The following CNIH3 variants were observed in gnomAD, a reference collection of about 807,000 sequenced individuals.
CNIH3 encodes the protein protein cornichon homolog 3.
A neutral mutation model predicts 24.1 loss-of-function variants in CNIH3; 14 were observed. The observed-to-expected ratio is 0.58, with a 90% confidence interval of 0.38 to 0.91. The LOEUF is 0.91. Ranked by LOEUF, CNIH3 falls within the 40% of genes least tolerant of loss-of-function variation. The pLI, the probability that CNIH3 is intolerant of heterozygous loss-of-function variation, is 0.00. For synonymous variants in CNIH3, 68 were observed against 73.8 expected (o/e 0.92, Z 0.40); for missense variants, 178 against 196.8 (o/e 0.90, Z 0.57).
intron 2 of CNIH3, among the ~76,000 whole-genome samples, chr1:224,534,698 G>C (rs1456764081): frequency 6.6e-6 from 1 of 152,170 alleles, no homozygotes; most frequent in Non-Finnish European, 1.5e-5. Context: ...TTCTATAACA[G>C]GAGAGTCTAA....
chr1:224,441,285 AT>A (rs1210685144), intron 1 of CNIH3, among the ~76,000 whole-genome samples: 4 of 152,222 alleles, frequency 2.6e-5, no homozygotes, highest in African/African-American at 9.6e-5. Context: ...AGGCAATGTT[AT>A]TAAGTATATT....
At chr1:224,679,322 A>C (rs1224244190) in intron 1 of CNIH3, among the ~76,000 whole-genome samples, 2 of 152,198 alleles carry the variant, frequency 1.3e-5, no homozygotes, top group Non-Finnish European at 2.9e-5. Context: ...CCTGGCTGAC[A>C]GAGTGAGACT....
intron 1 of CNIH3, among the ~76,000 whole-genome samples, chr1:224,644,385 A>AT (rs112341297): frequency 0.023 from 3,479 of 151,828 alleles, 109 homozygotes; most frequent in African/African-American, 0.077. Context: ...TAATTTTTGT[A>AT]TTTTTTGTAG....
intron 1 of CNIH3, chr1:224,661,524 G>T (rs1050354279): frequency 9.2e-6 from 3 of 325,980 alleles, no homozygotes; most frequent in East Asian, 8.4e-5. Flanking sequence ...GATTCCCAAA[G>T]AAGTCCTCAA....
rs114141695 is a variant in CNIH3, at chr1:224,617,806, G to T, written c.81+551G>T. ...AAGTGGAAGGCGGTGGGGGAAAGGC[G>T]AGAAGGAGAAGAGCAAGGAGGCGAG... On this transcript the variant is annotated intron_variant, in intron 1 of 5. Coordinates refer to ENST00000272133, the MANE Select transcript of CNIH3 (RefSeq NM_152495.2). Among the ~76,000 whole-genome samples, 701 of 152,234 alleles carry T rather than the reference G, an allele frequency of 4.6e-3. 3 individuals carry two copies. The highest frequency in any genetic ancestry group is 0.016 in the African/African-American group (667 of 41,556).
chr1:224,442,556 T>C (rs1674964820), intron 1 of CNIH3, among the ~76,000 whole-genome samples: 1 of 152,216 alleles, frequency 6.6e-6, no homozygotes, highest in African/African-American at 2.4e-5. Flanking sequence ...GCCTTTTTTT[T>C]CCCTGTGATG....
chr1:224,660,549 G>GT (rs996502756), intron 1 of CNIH3, among the ~76,000 whole-genome samples: 3 of 151,548 alleles, frequency 2.0e-5, no homozygotes, highest in Non-Finnish European at 4.4e-5. Context: ...ACACATTTGC[G>GT]TTTCTTTGTT....
At chr1:224,723,239 A>AG (rs1192039340) in intron 3 of CNIH3, among the ~76,000 whole-genome samples, 3 of 152,200 alleles carry the variant, frequency 2.0e-5, no homozygotes, top group Non-Finnish European at 4.4e-5. Context: ...CTGATGTGTC[A>AG]GGCACAGCTA....
chr1:224,519,302 T>C (rs1004350709), intron 1 of CNIH3, among the ~76,000 whole-genome samples: 1 of 152,176 alleles, frequency 6.6e-6, no homozygotes, highest in Non-Finnish European at 1.5e-5. Flanking sequence ...CCTCTTTTTC[T>C]GCCTGACTGC....
Position 224,718,229 on chromosome 1 carries a change from C to T in CNIH3, c.199-12233C>T, listed in dbSNP as rs1331753217. 7.9e-5 allele frequency among the ~76,000 whole-genome samples: 12 copies of T among 152,026 alleles called. No homozygotes were observed. In the East Asian group the frequency reaches 2.3e-3, roughly 30 times the overall value. On this transcript the variant is annotated intron_variant, in intron 3 of 5. Coordinates refer to ENST00000272133, the MANE Select transcript of CNIH3 (RefSeq NM_152495.2). Reference sequence around the variant, plus strand: ...CGATACTAGATTGGCAGGGAGGGCTCATCTGAGGAGGTGACCTTGAGTAGG... The same window carrying T: ...CGATACTAGATTGGCAGGGAGGGCTTATCTGAGGAGGTGACCTTGAGTAGG...
At chr1:224,698,206 A>G (rs1236351551) in intron 3 of CNIH3, among the ~76,000 whole-genome samples, 1 of 152,228 alleles carries the variant, frequency 6.6e-6, no homozygotes, top group Non-Finnish European at 1.5e-5. Flanking sequence ...AATGCACTGA[A>G]TAAGTTAAAT....
At chr1:224,465,462 C>T (rs1215036079) in intron 1 of CNIH3, among the ~76,000 whole-genome samples, 2 of 152,190 alleles carry the variant, frequency 1.3e-5, no homozygotes, top group Non-Finnish European at 2.9e-5. Flanking sequence ...TATTGTATCA[C>T]TTCACACATA....
rs372236508 is a variant in CNIH3 at position 224,602,992 on chromosome 1, CAA to C, written n.402+36731_402+36732del. 3.4e-3 allele frequency among the ~76,000 whole-genome samples: 514 copies of C among 152,224 alleles called. 4 individuals carry two copies. Among genetic ancestry groups the C allele is most frequent in the African/African-American group, 0.012 (494 of 41,530 alleles). ...ATGTCTGTGGGGAAAAAAAGCAACA[CAA>C]AACCACAGAAACAATCTGTGAGCTA... On this transcript the variant is annotated intron_variant and non_coding_transcript_variant, in intron 3 of 7. Coordinates refer to the CNIH3 transcript ENST00000478120.
chr1:224,668,675 G>C (rs955949538), intron 1 of CNIH3, among the ~76,000 whole-genome samples: 3 of 152,176 alleles, frequency 2.0e-5, no homozygotes, highest in Admixed American at 2.0e-4. Flanking sequence ...AGAAGAAGGA[G>C]GGAGGCTGAA....
At chr1:224,654,949 G>A (rs1014364770) in intron 1 of CNIH3, among the ~76,000 whole-genome samples, 1 of 152,098 alleles carries the variant, frequency 6.6e-6, no homozygotes, top group African/African-American at 2.4e-5. Flanking sequence ...GTCTCTCTTT[G>A]GCTCGTGTAT....
At chr1:224,556,824 T>A (rs1294244326) in intron 3 of CNIH3, among the ~76,000 whole-genome samples, 1 of 152,072 alleles carries the variant, frequency 6.6e-6, no homozygotes, top group Admixed American at 6.5e-5. Context: ...GGCCTGCGGG[T>A]TGGGGATCCC....
chr1:224,596,769 C>A (rs1040474634), intron 3 of CNIH3, among the ~76,000 whole-genome samples: 35 of 152,270 alleles, frequency 2.3e-4, no homozygotes, highest in African/African-American at 8.4e-4. Context: ...ATTCCCAAAG[C>A]AGCTTTGGAA....
chr1:224,523,633 T>G (rs1678729926), intron 2 of CNIH3, among the ~76,000 whole-genome samples: 1 of 152,142 alleles, frequency 6.6e-6, no homozygotes. Context: ...TACACAGAGG[T>G]GCTTACTTTG....
chr1:224,728,649 G>A (rs1689162362), intron 3 of CNIH3, among the ~76,000 whole-genome samples: 1 of 152,198 alleles, frequency 6.6e-6, no homozygotes, highest in African/African-American at 2.4e-5. Flanking sequence ...TTCTCCCTCT[G>A]TGTCTGCCAT....
Sources: allele counts gnomAD v4.1 joint callset (sites outside exome capture counted in the v4.1 genomes callset), GRCh38; gene constraint gnomAD v4.1.1; transcripts MANE v1.5; gene names NCBI Gene and HGNC (gene_info 2026-07-23, HGNC 2026-07-21).